TRAPPC6B: variants seen among roughly 807,000 people sequenced by gnomAD.
The protein encoded by TRAPPC6B is TRAPP complex subunit 6B.
Under a neutral mutation model 24.7 loss-of-function variants are expected in TRAPPC6B, and 27 were observed. That is an observed-to-expected ratio of 1.09 (90% CI 0.81 to 1.51). TRAPPC6B has a LOEUF of 1.51. Among genes scored for constraint, TRAPPC6B ranks in the 40% most tolerant of loss-of-function variants. TRAPPC6B has a pLI of 0.00. For synonymous variants in TRAPPC6B, 80 were observed against 66.6 expected, an observed-to-expected ratio of 1.20 and a Z score of -0.98; for missense variants, 212 against 190.8, an observed-to-expected ratio of 1.11 and a Z score of -0.66.
chr14:39,157,953 G>C (rs2053004862), intron 3 of TRAPPC6B: 1 of 191,872 alleles, frequency 5.2e-6, no homozygotes, highest in Non-Finnish European at 1.1e-5. Context: ...ACATAAAGGT[G>C]ATATATTTGT....
chr14:39,156,536 CTGGGCAACA>C (rs1323927792), intron 3 of TRAPPC6B, among the ~76,000 whole-genome samples: 8 of 152,006 alleles, frequency 5.3e-5, no homozygotes, highest in African/African-American at 9.7e-5. Context: ...CAAGACTAGT[CTGGGCAACA>C]AAGCGAGACT....
Position 39,159,555 on chromosome 14 carries a change from T to G in TRAPPC6B, c.82-5A>C. 1.3e-6 allele frequency: 2 copies of G among 1,599,768 alleles called. No individual in the cohort carries two copies. The highest frequency in any genetic ancestry group is 3.3e-4 in the Middle Eastern group (2 of 6,032). The stretch of plus-strand genomic sequence containing the variant: ...AGTAATACATCGTCCGTTTTCCTAT[T>G]TTAAAAAACAATAGTTTTAAATACT... On this transcript the variant is annotated splice_polypyrimidine_tract_variant and splice_region_variant and intron_variant, in intron 1 of 5. Coordinates refer to ENST00000330149, the MANE Select transcript of TRAPPC6B (RefSeq NM_001079537.2).
At position 39,147,966 on chromosome 14, in the gene TRAPPC6B, G is replaced by A. The variant is rs1391051125; in HGVS notation, c.*2384C>T. ...TTCTACTAAGAGAGGTTTCTTTTTGGCTACAAGTAACAATATACATATACC... is the reference window on the plus strand; with the variant it reads ...TTCTACTAAGAGAGGTTTCTTTTTGACTACAAGTAACAATATACATATACC... On this transcript the variant is annotated 3_prime_UTR_variant, in exon 6 of 6. Coordinates refer to ENST00000330149, the MANE Select transcript of TRAPPC6B (RefSeq NM_001079537.2). 1 of 152,024 alleles carries A rather than the reference G, an allele frequency of 6.6e-6. No homozygotes were observed. Among genetic ancestry groups the A allele is most frequent in the Admixed American group, 6.6e-5 (1 of 15,260 alleles). The allele number at this position is 152,024 out of a possible 1,614,324, so 9.4% of individuals were successfully genotyped here.
Position 39,150,312 on chromosome 14 carries a change from T to C in TRAPPC6B, c.*38A>G. 6.5e-7 allele frequency: 1 copy of C among 1,541,802 alleles called. No homozygotes were observed. The highest frequency in any genetic ancestry group is 8.8e-7 in the Non-Finnish European group (1 of 1,139,506). On this transcript the variant is annotated 3_prime_UTR_variant, in exon 6 of 6. Coordinates refer to ENST00000330149, the MANE Select transcript of TRAPPC6B (RefSeq NM_001079537.2). ...GAAATACTTTTACATGAATAATTTATCTCTTTACACTGTTGAAGCCTTGCA... is the reference window on the plus strand; with the variant it reads ...GAAATACTTTTACATGAATAATTTACCTCTTTACACTGTTGAAGCCTTGCA...
rs1424907162 is a variant in TRAPPC6B, at chr14:39,147,871, C to G, written c.*2479G>C. On this transcript the variant is annotated 3_prime_UTR_variant, in exon 6 of 6. Transcript: ENST00000330149. Reference sequence around the variant, plus strand: ...AGTGAACCTTTAAGTTTCTCCCCACCTACTCCCGCAGAAAAAGGCATATTC... The same window carrying G: ...AGTGAACCTTTAAGTTTCTCCCCACGTACTCCCGCAGAAAAAGGCATATTC... 1 of 152,134 alleles carries G rather than the reference C, an allele frequency of 6.6e-6. No homozygotes were observed. Among genetic ancestry groups the G allele is most frequent in the Non-Finnish European group, 1.5e-5 (1 of 68,024 alleles). 9.4% of individuals were successfully genotyped at this position (152,134 alleles called of 1,614,324 possible).
intron 3 of TRAPPC6B, among the ~76,000 whole-genome samples, chr14:39,156,256 G>A (rs749739366): frequency 3.3e-5 from 5 of 152,166 alleles, no homozygotes; most frequent in East Asian, 3.8e-4. Flanking sequence ...AGGCCAAGGC[G>A]GGAGGATCCA....
At position 39,170,256 on chromosome 14, in the gene TRAPPC6B, G is replaced by A. The variant is rs2139393999; in HGVS notation, c.-161C>T. 3.1e-6 allele frequency: 2 copies of A among 643,274 alleles called. No individual in the cohort carries two copies. The highest frequency in any genetic ancestry group is 5.4e-6 in the Non-Finnish European group (2 of 369,342). 39.8% of individuals were successfully genotyped at this position (643,274 alleles called of 1,614,324 possible). A position where few individuals can be genotyped will look rare whatever the true frequency, so the allele number is the denominator to read the frequency against. On this transcript the variant is annotated 5_prime_UTR_variant, in exon 1 of 6. Coordinates refer to ENST00000330149, the MANE Select transcript of TRAPPC6B (RefSeq NM_001079537.2). ...GAGGTATTCACACGACTTCCCAAAG[G>A]CTGGTACTGAAATGAGTCTGGTACT... is the stretch of plus-strand genomic sequence containing the variant.
At position 39,150,390 on chromosome 14, in the gene TRAPPC6B, A is replaced by C; in HGVS notation, c.446-9T>G. The C allele has an allele frequency of 3.8e-6, 6 of 1,567,910 alleles. No homozygotes were observed. The highest frequency in any genetic ancestry group is 5.2e-6 in the Non-Finnish European group (6 of 1,160,066). ...CATCACCTGAAATTTGCCTAAAAAA[A>C]AAAATACAAATAATTCTTTGATTTT... On this transcript the variant is annotated splice_polypyrimidine_tract_variant and intron_variant, in intron 5 of 5. Coordinates refer to ENST00000330149, the MANE Select transcript of TRAPPC6B (RefSeq NM_001079537.2).
intron 1 of TRAPPC6B, among the ~76,000 whole-genome samples, chr14:39,168,215 TA>T (rs5808024): frequency 0.26 from 32,977 of 124,592 alleles, 4,317 homozygotes; most frequent in African/African-American, 0.41. Flanking sequence ...AAACTCCATC[TA>T]AAAAAAAAAA....
At chr14:39,161,614 G>A (rs1482042435) in intron 1 of TRAPPC6B, among the ~76,000 whole-genome samples, 1 of 152,076 alleles carries the variant, frequency 6.6e-6, no homozygotes, top group African/African-American at 2.4e-5. Flanking sequence ...ACTTAAGCTC[G>A]CTCACTCCGT....
intron 3 of TRAPPC6B, among the ~76,000 whole-genome samples, chr14:39,154,922 T>C (rs1035031326): frequency 6.6e-6 from 1 of 152,074 alleles, no homozygotes. Context: ...AAATAAGCTG[T>C]TTGTTTGTAT....
Position 39,148,703 on chromosome 14 carries a change from T to C in TRAPPC6B, c.*1647A>G. On this transcript the variant is annotated 3_prime_UTR_variant, in exon 6 of 6. Transcript: ENST00000330149. Reference sequence around the variant, plus strand: ...ATATTTGGTAGGAACTTTCCTAAATTTTTTCAAAATTAAAATTTTTTCCCC... The same window carrying C: ...ATATTTGGTAGGAACTTTCCTAAATCTTTTCAAAATTAAAATTTTTTCCCC... 2.5e-6 allele frequency: 1 copy of C among 398,474 alleles called. No homozygotes were observed. The highest frequency in any genetic ancestry group is 4.4e-6 in the Non-Finnish European group (1 of 226,004). 24.7% of individuals were successfully genotyped at this position (398,474 alleles called of 1,614,324 possible). A position where few individuals can be genotyped will look rare whatever the true frequency, so the allele number is the denominator to read the frequency against.
intron 4 of TRAPPC6B, among the ~76,000 whole-genome samples, chr14:39,153,549 G>A (rs1406335401): frequency 6.6e-6 from 1 of 151,146 alleles, no homozygotes. Flanking sequence ...AGGATCACTT[G>A]AGCCCGGGGG....
intron 5 of TRAPPC6B, 52 bp downstream of exon 5, chr14:39,151,694 G>A: frequency 7.0e-6 from 9 of 1,284,610 alleles, no homozygotes; most frequent in East Asian, 4.9e-5. Context: ...AAAAAAAACA[G>A]ACCTGAAAAC....
intron 3 of TRAPPC6B, chr14:39,157,578 G>A: frequency 2.6e-6 from 1 of 379,144 alleles, no homozygotes; most frequent in South Asian, 2.0e-5. Context: ...TGCCTGCCTT[G>A]TGTCATAAAA....
At chr14:39,160,239 A>G (rs1403964632) in intron 1 of TRAPPC6B, among the ~76,000 whole-genome samples, 4 of 151,742 alleles carry the variant, frequency 2.6e-5, no homozygotes, top group African/African-American at 9.7e-5. Context: ...CAGAGGTTCA[A>G]TGGGTTAAAG....
intron 3 of TRAPPC6B, among the ~76,000 whole-genome samples, chr14:39,156,058 G>T (rs1468122026): frequency 6.6e-6 from 1 of 152,098 alleles, no homozygotes; most frequent in African/African-American, 2.4e-5. Flanking sequence ...CTCCCAAAAT[G>T]CTGCAATTCT....
rs553495157 is a variant in TRAPPC6B at position 39,158,188 on chromosome 14, A to C, written c.267+97T>G. 2.7e-5 allele frequency: 19 copies of C among 698,326 alleles called. No individual in the cohort carries two copies. In the South Asian group the frequency reaches 3.7e-4, roughly 14 times the overall value. The allele number at this position is 698,326 out of a possible 1,614,324, so 43.3% of individuals were successfully genotyped here. A position where few individuals can be genotyped will look rare whatever the true frequency, so the allele number is the denominator to read the frequency against. On this transcript the variant is annotated intron_variant, in intron 3 of 5. Coordinates refer to ENST00000330149, the MANE Select transcript of TRAPPC6B (RefSeq NM_001079537.2). ...ATAACATAAACATATTCCAAAGTTA[A>C]CCAGAAATTATTTTAGGTTTTAAAT...
intron 1 of TRAPPC6B, among the ~76,000 whole-genome samples, chr14:39,161,299 T>C (rs368314612): frequency 6.6e-6 from 1 of 152,176 alleles, no homozygotes; most frequent in African/African-American, 2.4e-5. Context: ...AAGGAACCTA[T>C]ACACATTTAT....
Sources: gnomAD v4.1 joint callset for allele counts (sites outside exome capture counted in the v4.1 genomes callset) on GRCh38, gnomAD v4.1.1 for gene constraint, MANE v1.5 for transcripts, NCBI Gene and HGNC (gene_info 2026-07-23, HGNC 2026-07-21) for gene names.